FSHR: variants seen among roughly 807,000 people sequenced by gnomAD.
FSHR encodes follicle-stimulating hormone receptor.
Under a neutral mutation model 52.1 loss-of-function variants are expected in FSHR, and 46 were observed. The ratio of observed to expected loss-of-function variants is 0.88; its 90% CI spans 0.70 to 1.13. The LOEUF (loss-of-function observed/expected upper bound fraction) is 1.13, where lower values mean the gene tolerates loss of function less well. Ranked by LOEUF, FSHR falls within the 50% of genes most tolerant of loss-of-function variation. FSHR has a pLI of 0.00. For synonymous variants in FSHR, 399 were observed against 309.6 expected (o/e 1.29, Z -3.03); for missense variants, 964 against 834.6 (o/e 1.16, Z -1.91).
At position 49,038,626 on chromosome 2, in the gene FSHR, A is replaced by G. The variant is rs1446197678; in HGVS notation, c.225-18466T>C. ...GGCGACAGAGCAAGACTCTGTCTCA[A>G]AATAATAATAATAATAATAATAATA... On this transcript the variant is annotated intron_variant, in intron 2 of 9. Transcript: ENST00000406846. 8.2e-4 allele frequency among the ~76,000 whole-genome samples: 58 copies of G among 70,618 alleles called. 1 individual carries two copies. The highest frequency in any genetic ancestry group is 2.9e-3 in the African/African-American group (58 of 20,260). The allele number at this position is 70,618 out of a possible 152,430, so 46.3% of individuals were successfully genotyped here. A position where few individuals can be genotyped will look rare whatever the true frequency, so the allele number is the denominator to read the frequency against.
intron 1 of FSHR, among the ~76,000 whole-genome samples, chr2:49,085,965 G>A (rs553661785): frequency 6.8e-6 from 1 of 146,202 alleles, no homozygotes; most frequent in African/African-American, 2.6e-5. Context: ...GGCCTGTTGT[G>A]GGGGGGGGGA....
At chr2:49,083,733 CA>C (rs1187747812) in intron 1 of FSHR, among the ~76,000 whole-genome samples, 1 of 149,024 alleles carries the variant, frequency 6.7e-6, no homozygotes, top group African/African-American at 2.5e-5. Context: ...CAACAAAGAT[CA>C]AAAGAGACAA....
intron 1 of FSHR, among the ~76,000 whole-genome samples, chr2:49,075,632 C>CA (rs892066688): frequency 6.7e-6 from 1 of 149,740 alleles, no homozygotes; most frequent in Non-Finnish European, 1.5e-5. Flanking sequence ...TATAACATTA[C>CA]TTTTTTTTTT....
At chr2:49,064,603 T>C (rs1558420132) in intron 2 of FSHR, among the ~76,000 whole-genome samples, 1 of 152,118 alleles carries the variant, frequency 6.6e-6, no homozygotes, top group Non-Finnish European at 1.5e-5. Flanking sequence ...TATTTTGTTA[T>C]AGCAGCACAA....
intron 1 of FSHR, among the ~76,000 whole-genome samples, chr2:49,138,008 G>T (rs1672547464): frequency 6.6e-6 from 1 of 152,050 alleles, no homozygotes; most frequent in South Asian, 2.1e-4. Flanking sequence ...AAAGTGAAAA[G>T]GCTCACATAA....
intron 1 of FSHR, among the ~76,000 whole-genome samples, chr2:49,148,697 C>A (rs1424834285): frequency 6.6e-6 from 1 of 151,992 alleles, no homozygotes; most frequent in South Asian, 2.1e-4. Context: ...ATGAAAGAGG[C>A]AACCTTTGAG....
chr2:48,982,826 G>C (rs572838692), intron 8 of FSHR, 86 bp downstream of exon 8: 3 of 1,173,444 alleles, frequency 2.6e-6, no homozygotes, highest in Middle Eastern at 1.9e-4. Flanking sequence ...GCCCTGTGTT[G>C]GAAGCTTCTC....
At chr2:49,039,674 C>G (rs568434624) in intron 2 of FSHR, among the ~76,000 whole-genome samples, 2 of 152,178 alleles carry the variant, frequency 1.3e-5, no homozygotes, top group Non-Finnish European at 2.9e-5. Context: ...GTGAGTTCTG[C>G]TTTCCTTGAT....
chr2:49,065,398 C>G (rs1342098524), intron 2 of FSHR, among the ~76,000 whole-genome samples: 4 of 151,994 alleles, frequency 2.6e-5, no homozygotes, highest in African/African-American at 9.7e-5. Context: ...GACTGGATAT[C>G]AGAGTACATC....
chr2:49,033,383 A>G (rs547173938), intron 2 of FSHR, among the ~76,000 whole-genome samples: 78 of 152,376 alleles, frequency 5.1e-4, no homozygotes, highest in African/African-American at 1.6e-3. Context: ...TGGATTCTAA[A>G]GGATGTTCAG....
chr2:49,025,998 A>G (rs555237901), intron 2 of FSHR, among the ~76,000 whole-genome samples: 1 of 152,334 alleles, frequency 6.6e-6, no homozygotes, highest in African/African-American at 2.4e-5. Context: ...GGATGTTGCC[A>G]CAAGGCTCCT....
Position 49,149,763 on chromosome 2 carries a change from G to A in FSHR, c.152+4503C>T, listed in dbSNP as rs548699800. On this transcript the variant is annotated intron_variant, in intron 1 of 9. Coordinates refer to ENST00000406846, the MANE Select transcript of FSHR (RefSeq NM_000145.4). ...ATCTAAACCAGGATGAAAAAATAAG[G>A]AATGTAAGCCAAAGAAAGAAAATAA... Among the ~76,000 whole-genome samples, 6 of 152,066 alleles carry A rather than the reference G, an allele frequency of 3.9e-5. No individual in the cohort carries two copies. The East Asian group carries it at 1.2e-3, about 29-fold the overall frequency.
chr2:49,082,436 C>T (rs1048035036), intron 1 of FSHR, among the ~76,000 whole-genome samples: 67 of 152,178 alleles, frequency 4.4e-4, no homozygotes, highest in Middle Eastern at 3.4e-3. Context: ...AAAAGCAGAG[C>T]GACTCTCCTC....
At chr2:48,980,243 A>C (rs998142807) in intron 8 of FSHR, among the ~76,000 whole-genome samples, 3 of 152,210 alleles carry the variant, frequency 2.0e-5, no homozygotes, top group African/African-American at 7.2e-5. Context: ...GTGGGAATGT[A>C]TTATCACTCT....
intron 2 of FSHR, among the ~76,000 whole-genome samples, chr2:49,041,959 A>G (rs1159411016): frequency 6.6e-6 from 1 of 152,130 alleles, no homozygotes; most frequent in Middle Eastern, 3.2e-3. Context: ...CCAGCCTGGC[A>G]ACATGGTGGG....
chr2:49,137,884 T>G (rs1342367623), intron 1 of FSHR, among the ~76,000 whole-genome samples: 2 of 152,088 alleles, frequency 1.3e-5, no homozygotes, highest in African/African-American at 4.8e-5. Flanking sequence ...TTCTTAATCT[T>G]GGATTTGGCA....
At chr2:49,032,201 A>G (rs1275799600) in intron 2 of FSHR, among the ~76,000 whole-genome samples, 1 of 152,042 alleles carries the variant, frequency 6.6e-6, no homozygotes, top group East Asian at 1.9e-4. Context: ...GAATTAAGAC[A>G]TTTTCCTTTC....
At chr2:49,087,641 G>A (rs1234387347) in intron 1 of FSHR, among the ~76,000 whole-genome samples, 1 of 152,144 alleles carries the variant, frequency 6.6e-6, no homozygotes, top group African/African-American at 2.4e-5. Flanking sequence ...TAAAGTAATA[G>A]AGGTAAAAAA....
intron 1 of FSHR, among the ~76,000 whole-genome samples, chr2:49,079,572 A>G (rs1234802046): frequency 2.0e-5 from 3 of 152,148 alleles, no homozygotes; most frequent in African/African-American, 7.2e-5. Context: ...AAGAAAATAA[A>G]GAGCACGGAA....
Sources: gnomAD v4.1 joint callset for allele counts (sites outside exome capture counted in the v4.1 genomes callset) on GRCh38, gnomAD v4.1.1 for gene constraint, MANE v1.5 for transcripts, NCBI Gene and HGNC (gene_info 2026-07-23, HGNC 2026-07-21) for gene names.